AUNIP: variants seen among roughly 807,000 people sequenced by gnomAD.
The protein encoded by AUNIP is aurora kinase A- and ninein-interacting protein.
Under a neutral mutation model 12.2 loss-of-function variants are expected in AUNIP, and 16 were observed. The ratio of observed to expected loss-of-function variants is 1.31; its 90% CI spans 0.88 to 1.99. The LOEUF (loss-of-function observed/expected upper bound fraction) is 1.99, where lower values mean the gene tolerates loss of function less well. Ranked by LOEUF, AUNIP falls within the 30% of genes most tolerant of loss-of-function variation. The pLI, the probability that AUNIP is intolerant of heterozygous loss-of-function variation, is 0.00. For synonymous variants in AUNIP, 142 were observed against 154.8 expected (o/e 0.92, Z 0.61); for missense variants, 411 against 419.1 (o/e 0.98, Z 0.17).
chr1:25,840,206 A>G (rs902377734), intron 1 of AUNIP, among the ~76,000 whole-genome samples: 2 of 152,204 alleles, frequency 1.3e-5, no homozygotes, highest in African/African-American at 4.8e-5. Flanking sequence ...TATGAACATA[A>G]TAAGGTGAGA....
chr1:25,857,315 G>A (rs1233723748), intron 1 of AUNIP, among the ~76,000 whole-genome samples: 3 of 147,146 alleles, frequency 2.0e-5, no homozygotes, highest in African/African-American at 5.1e-5. Flanking sequence ...GCACGATCTC[G>A]GCTCACTGCA....
chr1:25,836,102 A>C (rs2048300773), intron 2 of AUNIP, among the ~76,000 whole-genome samples: 1 of 152,246 alleles, frequency 6.6e-6, no homozygotes, highest in Non-Finnish European at 1.5e-5. Flanking sequence ...AATAAAGTCA[A>C]ACATCGCATA....
chr1:25,839,331 A>T (rs1286274901), intron 1 of AUNIP, among the ~76,000 whole-genome samples: 2 of 152,184 alleles, frequency 1.3e-5, no homozygotes, highest in Non-Finnish European at 2.9e-5. Context: ...CTGCATAGGG[A>T]TCCCTTTAGT....
chr1:25,852,464 T>G (rs1394444519), intron 1 of AUNIP, among the ~76,000 whole-genome samples: 13 of 123,920 alleles, frequency 1.0e-4, no homozygotes, highest in African/African-American at 3.1e-4. Context: ...TTTTTTGTTG[T>G]TTTTTTTTTT....
chr1:25,831,945 A>AGACCCG, downstream of AUNIP: 2 of 1,614,212 alleles, frequency 1.2e-6, no homozygotes, highest in Non-Finnish European at 1.7e-6. Flanking sequence ...TGAAGGAGGA[A>AGACCCG]GACCCTGCTG....
intron 1 of AUNIP, among the ~76,000 whole-genome samples, chr1:25,849,338 A>T (rs2048409904): frequency 6.6e-6 from 1 of 152,202 alleles, no homozygotes; most frequent in Non-Finnish European, 1.5e-5. Flanking sequence ...AAGTTGTGTA[A>T]TTATCACCGA....
chr1:25,854,953 C>CTTTTT (rs1159770557), intron 1 of AUNIP, among the ~76,000 whole-genome samples: 90 of 121,042 alleles, frequency 7.4e-4, no homozygotes, highest in African/African-American at 1.3e-3. Context: ...AGAATTCTTT[C>CTTTTT]TTTTTTTTTT....
chr1:25,849,825 G>A (rs900057598), intron 1 of AUNIP, among the ~76,000 whole-genome samples: 24 of 151,940 alleles, frequency 1.6e-4, no homozygotes, highest in Admixed American at 6.6e-4. Flanking sequence ...TAGTAGAGAC[G>A]GGGTTTCATC....
In AUNIP at chr1:25,834,459, C is replaced by CA. The variant is rs1045042722; in HGVS notation, c.*533dup. On this transcript the variant is annotated 3_prime_UTR_variant, in exon 3 of 3. Coordinates refer to ENST00000374298, the MANE Select transcript of AUNIP (RefSeq NM_024037.3). ...TGAAACCTCGTCTCTACTAAAAATC[C>CA]AAAAAAAATTAGCTGGGCGTGGTGG... 19 of 782,872 alleles carry CA rather than the reference C, an allele frequency of 2.4e-5. No individual in the cohort carries two copies. The highest frequency in any genetic ancestry group is 5.7e-5 in the African/African-American group (3 of 52,718). 48.5% of individuals were successfully genotyped at this position (782,872 alleles called of 1,614,324 possible).
chr1:25,849,226 G>A (rs2048408598), intron 1 of AUNIP, among the ~76,000 whole-genome samples: 1 of 152,068 alleles, frequency 6.6e-6, no homozygotes, highest in Non-Finnish European at 1.5e-5. Flanking sequence ...CTTCCACAAA[G>A]CGTCTTTCTT....
intron 1 of AUNIP, among the ~76,000 whole-genome samples, chr1:25,838,271 G>A (rs186550470): frequency 1.1e-3 from 161 of 152,162 alleles, no homozygotes; most frequent in African/African-American, 3.8e-3. Context: ...TTGGGAGGCC[G>A]AGGCGGGTGG....
chr1:25,834,741 C>T lies in AUNIP; in HGVS notation c.*252G>A, dbSNP rs1320205524. 7.4e-7 allele frequency: 1 copy of T among 1,343,322 alleles called. No homozygotes were observed. Among genetic ancestry groups the T allele is most frequent in the Non-Finnish European group, 9.5e-7 (1 of 1,048,760 alleles). The allele number at this position is 1,343,322 out of a possible 1,614,324, so 83.2% of individuals were successfully genotyped here. A position where few individuals can be genotyped will look rare whatever the true frequency, so the allele number is the denominator to read the frequency against. Reference sequence around the variant, plus strand: ...ATAGAGATAAATACCCACTGTGCTGCCTCAGTGTTCATCATAGACTCATTC... The same window carrying T: ...ATAGAGATAAATACCCACTGTGCTGTCTCAGTGTTCATCATAGACTCATTC... On this transcript the variant is annotated 3_prime_UTR_variant, in exon 3 of 3. Coordinates refer to ENST00000374298, the MANE Select transcript of AUNIP (RefSeq NM_024037.3).
downstream of AUNIP, chr1:25,832,132 A>C: frequency 2.5e-6 from 4 of 1,590,230 alleles, no homozygotes; most frequent in Non-Finnish European, 3.4e-6. Flanking sequence ...CTTCTGCAAC[A>C]GTCTTGCTGA....
chr1:25,850,892 G>A (rs7544421), intron 1 of AUNIP, among the ~76,000 whole-genome samples: 1,916 of 151,864 alleles, frequency 0.013, 47 homozygotes, highest in African/African-American at 0.044. Flanking sequence ...TCTTTTTCTT[G>A]CTAAATTTCC....
rs2048312714 is a variant in AUNIP at position 25,837,507 on chromosome 1, T to C, written c.126A>G (p.Gly42=). 4 of 1,613,858 alleles carry C rather than the reference T, an allele frequency of 2.5e-6. No individual in the cohort carries two copies. The highest frequency in any genetic ancestry group is 3.4e-6 in the Non-Finnish European group (4 of 1,179,776). ...TAAAATAAATATTAGCCTTTCTTTCTCCAGGAAGGAGTGTTAGCATTTTGG... is the reference window on the plus strand; with the variant it reads ...TAAAATAAATATTAGCCTTTCTTTCCCCAGGAAGGAGTGTTAGCATTTTGG... The part of the protein sequence containing the change: ...PGTKMLTLLP[G]ERKANIYFTQ... Residue 42 remains glycine (G), a synonymous_variant, in exon 2 of 3, where the codon GGA becomes GGG. Transcript: ENST00000374298.
At chr1:25,840,106 C>T (rs1488640662) in intron 1 of AUNIP, among the ~76,000 whole-genome samples, 1 of 151,474 alleles carries the variant, frequency 6.6e-6, no homozygotes, top group Non-Finnish European at 1.5e-5. Flanking sequence ...GAAACAGACC[C>T]AGAAATGTGA....
chr1:25,840,987 G>A (rs2048343755), intron 1 of AUNIP, among the ~76,000 whole-genome samples: 1 of 152,200 alleles, frequency 6.6e-6, no homozygotes, highest in African/African-American at 2.4e-5. Flanking sequence ...AGTATGCTAA[G>A]TCCTATAAAG....
chr1:25,837,653 G>C, intron 1 of AUNIP, 99 bp from the exon 2 acceptor site: 1 of 1,261,792 alleles, frequency 7.9e-7, no homozygotes, highest in Non-Finnish European at 1.1e-6. Context: ...AACCACACTA[G>C]ATCCTCTGTA....
intron 1 of AUNIP, among the ~76,000 whole-genome samples, chr1:25,845,910 G>GT (rs1402564805): frequency 2.0e-5 from 3 of 152,046 alleles, no homozygotes; most frequent in Non-Finnish European, 4.4e-5. Context: ...GGATGGAAGC[G>GT]TACACCCACA....
Sources: allele counts gnomAD v4.1 joint callset (sites outside exome capture counted in the v4.1 genomes callset), GRCh38; gene constraint gnomAD v4.1.1; transcripts MANE v1.5; gene names NCBI Gene and HGNC (gene_info 2026-07-23, HGNC 2026-07-21).